TANGO6: variants seen among roughly 807,000 people sequenced by gnomAD.
TANGO6 encodes the protein transport and golgi organization 6 homolog.
TANGO6 carries 90 observed loss-of-function variants against 114.2 expected under a neutral mutation model. The ratio of observed to expected loss-of-function variants is 0.79; its 90% CI spans 0.66 to 0.94. The LOEUF is 0.94. TANGO6 is among the 40% of genes least tolerant of loss of function. The pLI is 0.00. For missense variants in TANGO6, 1,274 were observed against 1,315.3 expected, an observed-to-expected ratio of 0.97 and a Z score of 0.49; for synonymous variants, 477 against 509.8, an observed-to-expected ratio of 0.94 and a Z score of 0.87.
chr16:68,981,916 A>G (rs1021900410), intron 15 of TANGO6, among the ~76,000 whole-genome samples: 1 of 152,176 alleles, frequency 6.6e-6, no homozygotes, highest in Non-Finnish European at 1.5e-5. Flanking sequence ...AAAAACCCCA[A>G]AGCATTTCTG....
rs749457216 is a variant in TANGO6, at chr16:68,860,159, A to G, written c.370A>G (p.Arg124Gly). 2 of 1,613,992 alleles carry G rather than the reference A, an allele frequency of 1.2e-6. No homozygotes were observed. The highest frequency in any genetic ancestry group is 1.7e-6 in the Non-Finnish European group (2 of 1,179,888). The change falls in exon 2 of 18, where the codon AGG (arginine) becomes GGG (glycine). Residue 124 changes from arginine to glycine, a missense_variant. Arg to Gly is a moderately radical substitution (Grantham distance 125). Around this residue, in one of 5 missense-constraint regions of TANGO6, gnomAD observed 908 missense variants for 910.2 expected, o/e 1.00. Coordinates refer to ENST00000261778, the MANE Select transcript of TANGO6 (RefSeq NM_024562.2). ...TTTCAATCCAGGTAAACCCAACCCT[A>G]GGACTCCGGAAGTTGCTCCTGCCCT... ...ANFNPGKPNP[R>G]TPEVAPALSP...
At chr16:68,848,847 C>T (rs1253310992) in intron 1 of TANGO6, among the ~76,000 whole-genome samples, 1 of 151,856 alleles carries the variant, frequency 6.6e-6, no homozygotes, top group Non-Finnish European at 1.5e-5. Context: ...CCATTTTTGG[C>T]CTCTGGGAAC....
chr16:68,871,367 G>A lies in TANGO6; in HGVS notation c.995-3787G>A, dbSNP rs1186469725. Among the ~76,000 whole-genome samples the A allele has an allele frequency of 3.3e-5, 5 of 151,910 alleles. No individual in the cohort carries two copies. The East Asian group carries it at 9.7e-4, about 29-fold the overall frequency. ...TGGTTTTTAGAAATTTGATTATGAT[G>A]TACCTTGGTGTGGTGTTGGTTTCTT... On this transcript the variant is annotated intron_variant, in intron 4 of 17. Transcript: ENST00000261778.
chr16:68,952,739 G>A (rs1036878457), intron 14 of TANGO6, among the ~76,000 whole-genome samples: 2 of 152,044 alleles, frequency 1.3e-5, no homozygotes, highest in Non-Finnish European at 2.9e-5. Context: ...TATCTCTCCT[G>A]CCCCAGAGGA....
intron 7 of TANGO6, among the ~76,000 whole-genome samples, chr16:68,882,162 A>G (rs938067572): frequency 1.3e-5 from 2 of 152,114 alleles, no homozygotes; most frequent in African/African-American, 4.8e-5. Flanking sequence ...ATATGGGCCC[A>G]GCAATTCCAC....
intron 14 of TANGO6, among the ~76,000 whole-genome samples, chr16:68,966,487 A>G (rs2152210654): frequency 6.6e-6 from 1 of 152,160 alleles, no homozygotes; most frequent in East Asian, 1.9e-4. Flanking sequence ...CTGGGCAACA[A>G]TGTGAGACTC....
At chr16:68,845,042 A>G (rs1418050162) in intron 1 of TANGO6, among the ~76,000 whole-genome samples, 1 of 145,460 alleles carries the variant, frequency 6.9e-6, no homozygotes, top group African/African-American at 2.6e-5. Context: ...ATCTCGGCTC[A>G]CTGCAACCTC....
chr16:68,957,747 A>G (rs1487499259), intron 14 of TANGO6, among the ~76,000 whole-genome samples: 1 of 152,182 alleles, frequency 6.6e-6, no homozygotes, highest in African/African-American at 2.4e-5. Context: ...TTATGAAGTA[A>G]CCATACTTAT....
chr16:68,880,413 T>G lies in TANGO6; in HGVS notation c.1295-135T>G, dbSNP rs866273760. ...TGAAATGTGTATGAATTGTGTATTGTTCAATGATAACCATTTTCTGATCTT... is the reference window on the plus strand; with the variant it reads ...TGAAATGTGTATGAATTGTGTATTGGTCAATGATAACCATTTTCTGATCTT... On this transcript the variant is annotated intron_variant, in intron 6 of 17. Coordinates refer to ENST00000261778, the MANE Select transcript of TANGO6 (RefSeq NM_024562.2). The G allele has an allele frequency of 7.2e-6, 4 of 551,966 alleles. No individual in the cohort carries two copies. In the African/African-American group the frequency reaches 7.7e-5, roughly 11 times the overall value. 34.2% of individuals were successfully genotyped at this position (551,966 alleles called of 1,614,324 possible).
At chr16:69,005,247 G>C (rs1311269092) in intron 15 of TANGO6, among the ~76,000 whole-genome samples, 1 of 151,734 alleles carries the variant, frequency 6.6e-6, no homozygotes, top group Non-Finnish European at 1.5e-5. Flanking sequence ...ACGTGACAAA[G>C]AAAAAAGGAT....
At chr16:68,879,542 A>G (rs1962423710) in intron 6 of TANGO6, among the ~76,000 whole-genome samples, 1 of 152,098 alleles carries the variant, frequency 6.6e-6, no homozygotes, top group African/African-American at 2.4e-5. Flanking sequence ...ATTTTTAAAC[A>G]CATATTATAG....
At chr16:68,967,395 C>T (rs1309420159) in intron 14 of TANGO6, among the ~76,000 whole-genome samples, 1 of 152,168 alleles carries the variant, frequency 6.6e-6, no homozygotes, top group East Asian at 1.9e-4. Context: ...GGCAATAATG[C>T]TCCCTTGCTG....
chr16:68,867,027 A>C, intron 3 of TANGO6, 52 bp from the exon 4 acceptor site: 2 of 1,249,334 alleles, frequency 1.6e-6, no homozygotes, highest in Admixed American at 2.6e-5. Context: ...ACGCCCGGCC[A>C]TCATATCTAT....
intron 12 of TANGO6, among the ~76,000 whole-genome samples, chr16:68,919,918 G>T (rs1437594554): frequency 6.6e-6 from 1 of 152,010 alleles, no homozygotes; most frequent in East Asian, 1.9e-4. Context: ...GTGGTGGCGG[G>T]TGCCTGTAAT....
chr16:68,968,312 C>A (rs139761290), intron 14 of TANGO6, among the ~76,000 whole-genome samples: 232 of 152,154 alleles, frequency 1.5e-3, no homozygotes, highest in African/African-American at 5.0e-3. Flanking sequence ...GATCCACCCA[C>A]CTCAGCTTCC....
intron 14 of TANGO6, among the ~76,000 whole-genome samples, chr16:68,957,119 T>C (rs1043915679): frequency 6.6e-6 from 1 of 152,060 alleles, no homozygotes; most frequent in Non-Finnish European, 1.5e-5. Context: ...AATTTTTTAA[T>C]AATTAAAAAA....
At chr16:68,997,169 T>C (rs572840867) in intron 15 of TANGO6, among the ~76,000 whole-genome samples, 1 of 152,244 alleles carries the variant, frequency 6.6e-6, no homozygotes, top group Admixed American at 6.5e-5. Flanking sequence ...AATCCCAAAA[T>C]TGGGGTTCAG....
intron 16 of TANGO6, among the ~76,000 whole-genome samples, chr16:69,038,687 A>G (rs1431495619): frequency 6.6e-6 from 1 of 152,118 alleles, no homozygotes; most frequent in East Asian, 1.9e-4. Context: ...ATAATTAACT[A>G]TATATCAGTT....
intron 17 of TANGO6, among the ~76,000 whole-genome samples, chr16:69,080,716 A>G (rs1345730015): frequency 6.6e-6 from 1 of 152,212 alleles, no homozygotes; most frequent in Non-Finnish European, 1.5e-5. Context: ...GTACTGTATT[A>G]TCTTTTCAAT....
Sources: gnomAD v4.1 joint callset for allele counts (sites outside exome capture counted in the v4.1 genomes callset) on GRCh38, gnomAD v4.1.1 for gene constraint, gnomAD v4.1.1 regional missense constraint, MANE v1.5 for transcripts, NCBI Gene and HGNC (gene_info 2026-07-23, HGNC 2026-07-21) for gene names.